SYN3: variants seen among roughly 807,000 people sequenced by gnomAD.
SYN3 encodes synapsin-3.
SYN3 carries 35 observed loss-of-function variants against 65.8 expected under a neutral mutation model. That is an observed-to-expected ratio of 0.53 (90% CI 0.41 to 0.70). The LOEUF (loss-of-function observed/expected upper bound fraction) is 0.70, where lower values mean the gene tolerates loss of function less well. SYN3 is among the 30% of genes least tolerant of loss of function. The pLI is 0.00. For missense variants in SYN3, 680 were observed against 749.0 expected (o/e 0.91, Z 1.08); for synonymous variants, 270 against 292.9 (o/e 0.92, Z 0.80).
chr22:32,827,827 C>G (rs1303714152), intron 6 of SYN3, among the ~76,000 whole-genome samples: 1 of 152,186 alleles, frequency 6.6e-6, no homozygotes, highest in Admixed American at 6.5e-5. Flanking sequence ...AAGTTTGTCA[C>G]TGTCTCTTTT....
In SYN3 at chr22:32,541,584, A is replaced by G; in HGVS notation, c.904T>C (p.Tyr302His). Residue 302 changes from tyrosine (Y) to histidine (H), a missense_variant, in exon 8 of 14, where the codon TAC becomes CAC. Physicochemically the swap from Tyr to His is moderately conservative, Grantham distance 83. Transcript: ENST00000358763. ...CCAGAGACTCACATGTAAGCCTTGT[A>G]GTTGGATCCAATTTTCTGGATGCGG... ...DIRIQKIGSN[Y>H]KAYMRTSISG... 1 of 1,613,988 alleles carries G rather than the reference A, an allele frequency of 6.2e-7. No homozygotes were observed. Among genetic ancestry groups the G allele is most frequent in the Non-Finnish European group, 8.5e-7 (1 of 1,179,984 alleles).
chr22:32,847,836 C>A (rs1410306363), intron 6 of SYN3, among the ~76,000 whole-genome samples: 2 of 152,180 alleles, frequency 1.3e-5, no homozygotes, highest in Non-Finnish European at 2.9e-5. Flanking sequence ...ATTTGTAATT[C>A]AAAGTATGAC....
chr22:32,542,369 A>ATGTCTGTG (rs2058270079), intron 7 of SYN3, among the ~76,000 whole-genome samples: 1 of 151,262 alleles, frequency 6.6e-6, no homozygotes, highest in Non-Finnish European at 1.5e-5. Flanking sequence ...TTTGTGGGAG[A>ATGTCTGTG]TGTCTGTGTG....
At chr22:32,606,248 G>C (rs2059370455) in intron 6 of SYN3, among the ~76,000 whole-genome samples, 1 of 152,222 alleles carries the variant, frequency 6.6e-6, no homozygotes, top group Admixed American at 6.5e-5. Flanking sequence ...CAGGTTGTGA[G>C]CAGGGAGCGC....
At chr22:32,787,074 T>C (rs1173416409) in intron 6 of SYN3, among the ~76,000 whole-genome samples, 1 of 107,792 alleles carries the variant, frequency 9.3e-6, no homozygotes, top group Non-Finnish European at 1.9e-5. Context: ...TTTTTTTTTT[T>C]CCTCACTCTG....
At chr22:33,045,459 C>CTTTTTTTTT (rs745442160) in intron 1 of SYN3, among the ~76,000 whole-genome samples, 9 of 84,730 alleles carry the variant, frequency 1.1e-4, no homozygotes, top group Non-Finnish European at 1.9e-4. Context: ...GCTCTACTTT[C>CTTTTTTTTT]TTTTTTTTTT....
At chr22:32,681,129 G>A (rs925771408) in intron 6 of SYN3, among the ~76,000 whole-genome samples, 108 of 152,182 alleles carry the variant, frequency 7.1e-4, no homozygotes, top group African/African-American at 2.5e-3. Context: ...GGAGGAGAGA[G>A]TATGGGAGAT....
At chr22:32,956,158 C>CTTT (rs1362683300) in intron 3 of SYN3, among the ~76,000 whole-genome samples, 1 of 121,056 alleles carries the variant, frequency 8.3e-6, no homozygotes, top group Non-Finnish European at 1.8e-5. Flanking sequence ...CCCCTACTAA[C>CTTT]TTTTTTTTTT....
chr22:32,735,894 G>C (rs1319136653), intron 6 of SYN3, among the ~76,000 whole-genome samples: 1 of 152,224 alleles, frequency 6.6e-6, no homozygotes, highest in Non-Finnish European at 1.5e-5. Flanking sequence ...CTGACCCGAG[G>C]GCAGAGAAAG....
chr22:32,762,285 T>C (rs1441798816), intron 6 of SYN3, among the ~76,000 whole-genome samples: 1 of 151,880 alleles, frequency 6.6e-6, no homozygotes, highest in Non-Finnish European at 1.5e-5. Context: ...GGGCTGGGAC[T>C]GGCACCCTCT....
intron 1 of SYN3, among the ~76,000 whole-genome samples, chr22:33,052,163 T>C (rs541127814): frequency 4.3e-4 from 65 of 152,226 alleles, no homozygotes; most frequent in African/African-American, 1.5e-3. Context: ...GAGCTAGTCC[T>C]CCCCGCACCC....
intron 7 of SYN3, among the ~76,000 whole-genome samples, chr22:32,556,834 T>TTTG (rs1569035464): frequency 7.0e-5 from 9 of 129,310 alleles, no homozygotes; most frequent in East Asian, 2.2e-4. Context: ...TTTTTTTTTT[T>TTTG]TGTGTGTAGA....
chr22:32,736,904 C>T (rs4339044), intron 6 of SYN3, among the ~76,000 whole-genome samples: 26,870 of 152,078 alleles, frequency 0.18, 2,993 homozygotes, highest in South Asian at 0.35. Context: ...TTCAAATGCT[C>T]TCCTATTCTT....
intron 1 of SYN3, among the ~76,000 whole-genome samples, chr22:33,053,087 G>T (rs746872538): frequency 1.2e-4 from 18 of 152,080 alleles, no homozygotes; most frequent in Middle Eastern, 3.2e-3. Flanking sequence ...TTCCTGCACT[G>T]AACAATGGCT....
At chr22:32,753,254 A>C (rs1399101688) in intron 6 of SYN3, among the ~76,000 whole-genome samples, 1 of 152,128 alleles carries the variant, frequency 6.6e-6, no homozygotes, top group African/African-American at 2.4e-5. Flanking sequence ...GGGCCTGCAG[A>C]TACAGATCCC....
At chr22:32,808,054 G>A (rs1474408450) in intron 6 of SYN3, among the ~76,000 whole-genome samples, 5 of 152,170 alleles carry the variant, frequency 3.3e-5, no homozygotes, top group Non-Finnish European at 7.3e-5. Flanking sequence ...TATTTTCATA[G>A]GGAGAGGAAG....
At chr22:32,548,498 G>T (rs887984023) in intron 7 of SYN3, among the ~76,000 whole-genome samples, 7 of 151,996 alleles carry the variant, frequency 4.6e-5, no homozygotes, top group Non-Finnish European at 8.8e-5. Flanking sequence ...TCAGCCTCCT[G>T]AGTAGCTGGG....
intron 6 of SYN3, among the ~76,000 whole-genome samples, chr22:32,820,242 C>CTGTG (rs3054173): frequency 0.079 from 11,717 of 148,932 alleles, 532 homozygotes; most frequent in Non-Finnish European, 0.11. Context: ...CCTTTCTCCC[C>CTGTG]TGTGTGTGTG....
intron 6 of SYN3, among the ~76,000 whole-genome samples, chr22:32,762,230 TC>T (rs1198075119): frequency 6.6e-6 from 1 of 151,506 alleles, no homozygotes; most frequent in Non-Finnish European, 1.5e-5. Flanking sequence ...GGGACTGGCA[TC>T]CTCTTGCTCC....
Sources: gnomAD v4.1 joint callset for allele counts (sites outside exome capture counted in the v4.1 genomes callset) on GRCh38, gnomAD v4.1.1 for gene constraint, MANE v1.5 for transcripts, NCBI Gene and HGNC (gene_info 2026-07-23, HGNC 2026-07-21) for gene names.